The following TMEM132D variants were observed in gnomAD, a reference collection of about 807,000 sequenced individuals.
TMEM132D encodes mature OL transmembrane protein.
A neutral mutation model predicts 62.3 loss-of-function variants in TMEM132D; 21 were observed. The observed-to-expected ratio is 0.34, with a 90% CI of 0.24 to 0.49. TMEM132D has a LOEUF of 0.49. Among genes scored for constraint, TMEM132D ranks in the 20% least tolerant of loss-of-function variants. The pLI, the probability that TMEM132D is intolerant of heterozygous loss-of-function variation, is 0.99. For synonymous variants in TMEM132D, 621 were observed against 575.6 expected (o/e 1.08, Z -1.13); for missense variants, 1,346 against 1,402.8 (o/e 0.96, Z 0.65).
chr12:129,302,168 G>A (rs1432649545), intron 4 of TMEM132D, among the ~76,000 whole-genome samples: 3 of 152,188 alleles, frequency 2.0e-5, no homozygotes, highest in Non-Finnish European at 4.4e-5. Flanking sequence ...AGGCTGGCGT[G>A]CAATGGCATG....
chr12:129,436,399 A>G (rs1239335535), intron 3 of TMEM132D, among the ~76,000 whole-genome samples: 1 of 152,146 alleles, frequency 6.6e-6, no homozygotes, highest in Non-Finnish European at 1.5e-5. Flanking sequence ...ATTATATTTT[A>G]TTTTATACTC....
At chr12:129,301,007 G>T (rs1157509526) in intron 4 of TMEM132D, among the ~76,000 whole-genome samples, 1 of 152,016 alleles carries the variant, frequency 6.6e-6, no homozygotes, top group Non-Finnish European at 1.5e-5. Context: ...ACAAATGATC[G>T]AGAATCATCT....
intron 1 of TMEM132D, among the ~76,000 whole-genome samples, chr12:129,771,114 C>A (rs956828408): frequency 6.6e-6 from 1 of 152,190 alleles, no homozygotes; most frequent in African/African-American, 2.4e-5. Context: ...CCTCTCTCCC[C>A]AAACAGCTCA....
At chr12:129,225,015 G>A (rs1375641326) in intron 4 of TMEM132D, among the ~76,000 whole-genome samples, 5 of 152,158 alleles carry the variant, frequency 3.3e-5, no homozygotes, top group African/African-American at 9.7e-5. Context: ...AGAGCTTAGG[G>A]TGAGGAGTGC....
At chr12:129,495,104 T>A (rs1014918373) in intron 3 of TMEM132D, among the ~76,000 whole-genome samples, 12 of 152,126 alleles carry the variant, frequency 7.9e-5, no homozygotes, top group Admixed American at 5.2e-4. Flanking sequence ...AGAGGTTGGC[T>A]CTGGTCAAAT....
At chr12:129,299,327 T>C (rs200009195) in intron 4 of TMEM132D, among the ~76,000 whole-genome samples, 8 of 152,252 alleles carry the variant, frequency 5.3e-5, no homozygotes, top group Middle Eastern at 6.8e-3. Flanking sequence ...GATGATACTG[T>C]TGGAGCTCCT....
intron 1 of TMEM132D, among the ~76,000 whole-genome samples, chr12:129,785,488 T>C (rs1871226284): frequency 1.3e-5 from 2 of 152,248 alleles, no homozygotes; most frequent in South Asian, 4.1e-4. Flanking sequence ...ATCAACGTTA[T>C]TTCTTGACTC....
At chr12:129,284,355 A>G (rs1881236737) in intron 4 of TMEM132D, among the ~76,000 whole-genome samples, 1 of 152,240 alleles carries the variant, frequency 6.6e-6, no homozygotes, top group Non-Finnish European at 1.5e-5. Flanking sequence ...CAGTCAACTT[A>G]CAGAATCATG....
chr12:129,536,636 ATGCCAC>A, intron 2 of TMEM132D, among the ~76,000 whole-genome samples: 1 of 152,170 alleles, frequency 6.6e-6, no homozygotes, highest in Non-Finnish European at 1.5e-5. Flanking sequence ...CCTGCTTACA[ATGCCAC>A]TGTCAGTATT....
intron 3 of TMEM132D, among the ~76,000 whole-genome samples, chr12:129,456,946 G>A (rs1277878403): frequency 3.3e-5 from 5 of 152,162 alleles, no homozygotes; most frequent in Admixed American, 2.0e-4. Flanking sequence ...AACAACAGGT[G>A]CTGGAGAGGA....
chr12:129,877,294 C>T (rs1424952307), intron 1 of TMEM132D, among the ~76,000 whole-genome samples: 1 of 151,558 alleles, frequency 6.6e-6, no homozygotes, highest in Non-Finnish European at 1.5e-5. Context: ...CAGAGAACCA[C>T]ACACTGTGGG....
At chr12:129,560,754 G>T (rs559735690) in intron 2 of TMEM132D, among the ~76,000 whole-genome samples, 172 of 152,278 alleles carry the variant, frequency 1.1e-3, no homozygotes, top group Non-Finnish European at 1.9e-3. Flanking sequence ...GCTCACCAAG[G>T]GTGGGTGACA....
intron 1 of TMEM132D, among the ~76,000 whole-genome samples, chr12:129,811,268 G>C (rs566597948): frequency 2.6e-5 from 4 of 151,622 alleles, no homozygotes; most frequent in African/African-American, 7.3e-5. Flanking sequence ...CACTTAGTGA[G>C]TGTCAGGGAT....
chr12:129,504,432 G>A (rs1875268534), intron 3 of TMEM132D, among the ~76,000 whole-genome samples: 2 of 152,216 alleles, frequency 1.3e-5, no homozygotes, highest in East Asian at 3.9e-4. Context: ...CTTGTTATTG[G>A]TCTGTGCAGG....
At chr12:129,296,479 C>T (rs900778347) in intron 4 of TMEM132D, among the ~76,000 whole-genome samples, 1 of 152,236 alleles carries the variant, frequency 6.6e-6, no homozygotes, top group Non-Finnish European at 1.5e-5. Flanking sequence ...CTTTGTGTTA[C>T]AGACTTTGCC....
chr12:129,705,845 T>G lies in TMEM132D; in HGVS notation c.80-5147A>C, dbSNP rs566583013. 1.5e-3 allele frequency among the ~76,000 whole-genome samples: 234 copies of G among 152,176 alleles called. 1 individual carries two copies. Among genetic ancestry groups the G allele is most frequent in the African/African-American group, 5.5e-3 (229 of 41,552 alleles). ...CCAAACACTATAAGTAATTTAAAAT[T>G]TATAAACTTAAAAATGCCAATAGAC... On this transcript the variant is annotated intron_variant, in intron 1 of 8. Coordinates refer to ENST00000422113, the MANE Select transcript of TMEM132D (RefSeq NM_133448.3).
intron 1 of TMEM132D, among the ~76,000 whole-genome samples, chr12:129,703,025 A>C (rs1001114123): frequency 3.3e-5 from 5 of 152,244 alleles, no homozygotes; most frequent in African/African-American, 9.6e-5. Flanking sequence ...GACCTACATC[A>C]GTTGATACAG....
At chr12:129,150,988 G>A (rs184914154) in intron 5 of TMEM132D, among the ~76,000 whole-genome samples, 27 of 152,244 alleles carry the variant, frequency 1.8e-4, no homozygotes, top group African/African-American at 5.8e-4. Context: ...AGTGGCTGCC[G>A]GCTTGTATCT....
intron 2 of TMEM132D, among the ~76,000 whole-genome samples, chr12:129,625,819 A>C (rs1419351446): frequency 6.6e-6 from 1 of 152,210 alleles, no homozygotes; most frequent in African/African-American, 2.4e-5. Flanking sequence ...GTTGCATTTA[A>C]ATAATGCCCA....
Sources: gnomAD v4.1 joint callset for allele counts (sites outside exome capture counted in the v4.1 genomes callset) on GRCh38, gnomAD v4.1.1 for gene constraint, MANE v1.5 for transcripts, NCBI Gene and HGNC (gene_info 2026-07-23, HGNC 2026-07-21) for gene names.